Variants in DBT observed in about 807,000 individuals in gnomAD.
DBT encodes the protein dihydrolipoamide branched chain transacylase E2, also known as lipoamide acyltransferase component of branched-chain alpha-keto acid dehydrogenase complex, mitochondrial.
DBT carries 40 observed loss-of-function variants against 51.3 expected under a neutral mutation model. The observed-to-expected ratio is 0.78, with a 90% CI of 0.61 to 1.02. The LOEUF is 1.02. Among genes scored for constraint, DBT ranks in the 50% least tolerant of loss-of-function variants. The pLI, the probability that DBT is intolerant of heterozygous loss-of-function variation, is 0.00. For missense variants in DBT, 510 were observed against 580.2 expected (o/e 0.88, Z 1.24); for synonymous variants, 181 against 190.4 (o/e 0.95, Z 0.41).
chr1:100,236,286 A>G (rs534611066), intron 2 of DBT, among the ~76,000 whole-genome samples: 9 of 152,282 alleles, frequency 5.9e-5, no homozygotes, highest in Admixed American at 6.5e-5. Context: ...TTAGATGCCA[A>G]TGATACTGTA....
At chr1:100,223,027 C>G (rs771488869) in intron 4 of DBT, among the ~76,000 whole-genome samples, 2 of 152,132 alleles carry the variant, frequency 1.3e-5, no homozygotes, top group Non-Finnish European at 2.9e-5. Context: ...TGGGTGATGA[C>G]CTGGCACAAG....
At chr1:100,241,897 T>A (rs1449023829) in intron 1 of DBT, among the ~76,000 whole-genome samples, 1 of 152,032 alleles carries the variant, frequency 6.6e-6, no homozygotes, top group Non-Finnish European at 1.5e-5. Context: ...GGCATGCGCC[T>A]GTAGTCCCAG....
At chr1:100,226,386 T>A (rs1235934264) in intron 4 of DBT, among the ~76,000 whole-genome samples, 1 of 150,132 alleles carries the variant, frequency 6.7e-6, no homozygotes, top group Non-Finnish European at 1.5e-5. Flanking sequence ...TGGGCTCAAG[T>A]GATCCTCTCA....
chr1:100,189,720 A>G lies in DBT; in HGVS notation c.*6535T>C, dbSNP rs1301411691. Reference sequence around the variant, plus strand: ...TTTAGTGGCAGTCAGAGGTAACAATATAAGAAAAGCATTCTGAGTCTTCTT... The same window carrying G: ...TTTAGTGGCAGTCAGAGGTAACAATGTAAGAAAAGCATTCTGAGTCTTCTT... On this transcript the variant is annotated 3_prime_UTR_variant, in exon 11 of 11. Coordinates refer to ENST00000370132, the MANE Select transcript of DBT (RefSeq NM_001918.5). 2.0e-5 allele frequency: 3 copies of G among 152,222 alleles called. No homozygotes were observed. Among genetic ancestry groups the G allele is most frequent in the African/African-American group, 7.2e-5 (3 of 41,456 alleles). The allele number at this position is 152,222 out of a possible 1,614,324, so 9.4% of individuals were successfully genotyped here. A position where few individuals can be genotyped will look rare whatever the true frequency, so the allele number is the denominator to read the frequency against.
intron 4 of DBT, among the ~76,000 whole-genome samples, chr1:100,225,632 C>T (rs984229842): frequency 2.0e-5 from 3 of 151,914 alleles, no homozygotes; most frequent in African/African-American, 7.3e-5. Flanking sequence ...CAAGACCAGC[C>T]TGGCCAACAT....
intron 2 of DBT, among the ~76,000 whole-genome samples, chr1:100,237,023 G>T (rs1663905775): frequency 6.6e-6 from 1 of 152,194 alleles, no homozygotes; most frequent in South Asian, 2.1e-4. Context: ...CCATCAGGAG[G>T]CCGAGTCTAT....
intron 8 of DBT, among the ~76,000 whole-genome samples, chr1:100,208,241 A>G (rs1394340410): frequency 6.6e-6 from 1 of 152,214 alleles, no homozygotes; most frequent in Non-Finnish European, 1.5e-5. Flanking sequence ...GGTAAATGAA[A>G]CATAAGTGAA....
chr1:100,191,101 C>G lies in DBT; in HGVS notation c.*5154G>C, dbSNP rs1274711091. The G allele has an allele frequency of 6.6e-6, 1 of 152,102 alleles. No homozygotes were observed. The highest frequency in any genetic ancestry group is 2.4e-5 in the African/African-American group (1 of 41,418). 9.4% of individuals were successfully genotyped at this position (152,102 alleles called of 1,614,324 possible). A position where few individuals can be genotyped will look rare whatever the true frequency, so the allele number is the denominator to read the frequency against. On this transcript the variant is annotated 3_prime_UTR_variant, in exon 11 of 11. Coordinates refer to ENST00000370132, the MANE Select transcript of DBT (RefSeq NM_001918.5). ...TGGGAATTTTAACTTAACCTTTTAC[C>G]TTTTACCATAATTAAGGTGCCAGTA...
intron 4 of DBT, among the ~76,000 whole-genome samples, chr1:100,225,086 C>T (rs1232043503): frequency 1.5e-5 from 2 of 132,382 alleles, no homozygotes; most frequent in Non-Finnish European, 3.2e-5. Flanking sequence ...CACACACACA[C>T]ACACACACAT....
intron 3 of DBT, 39 bp from the exon 4 acceptor site, chr1:100,230,953 T>A: frequency 8.3e-7 from 1 of 1,208,034 alleles, no homozygotes; most frequent in Non-Finnish European, 1.2e-6. Context: ...ATGGAAACAG[T>A]CATAAGTACA....
chr1:100,219,923 T>C (rs543859534), intron 4 of DBT, among the ~76,000 whole-genome samples: 7 of 152,084 alleles, frequency 4.6e-5, no homozygotes, highest in Non-Finnish European at 8.8e-5. Context: ...GGCGGGAGAA[T>C]TGCTTGAGGC....
In DBT at chr1:100,196,366, C is replaced by G; in HGVS notation, c.1338G>C (p.Val446=). The G allele has an allele frequency of 6.3e-7, 1 of 1,586,414 alleles. No individual in the cohort carries two copies. The highest frequency in any genetic ancestry group is 8.6e-7 in the Non-Finnish European group (1 of 1,167,196). The change falls in exon 11 of 11, where the codon GTG becomes GTC. Residue 446 remains valine (V), a synonymous_variant. Coordinates refer to ENST00000370132, the MANE Select transcript of DBT (RefSeq NM_001918.5). ...TAACTCTGTGATCAGCTGACCAGCT[C>G]ACATTCATTATCTGTGCCTTATATA... The part of the protein sequence containing the change: ...GEVYKAQIMN[V]SWSADHRVID...
chr1:100,246,790 G>C (rs1017490466), intron 1 of DBT, among the ~76,000 whole-genome samples: 1 of 152,176 alleles, frequency 6.6e-6, no homozygotes, highest in African/African-American at 2.4e-5. Context: ...GAAAGGTAAA[G>C]ACAAGTAAAC....
intron 4 of DBT, among the ~76,000 whole-genome samples, chr1:100,226,415 C>G (rs569912925): frequency 2.0e-5 from 3 of 151,328 alleles, no homozygotes; most frequent in Admixed American, 2.0e-4. Flanking sequence ...TCCTAAGTAG[C>G]TGGGACCACA....
intron 10 of DBT, 60 bp downstream of exon 10, chr1:100,206,170 C>T: frequency 8.9e-7 from 1 of 1,121,372 alleles, no homozygotes; most frequent in Non-Finnish European, 1.4e-6. Context: ...GGTTACTCTT[C>T]ATTGTGTTTA....
At chr1:100,223,468 T>C (rs538432839) in intron 4 of DBT, among the ~76,000 whole-genome samples, 22 of 152,238 alleles carry the variant, frequency 1.4e-4, no homozygotes, top group Admixed American at 9.2e-4. Context: ...GTTTGTTTTG[T>C]GTGTGCGTGT....
At chr1:100,232,027 G>A (rs1039033457) in intron 3 of DBT, among the ~76,000 whole-genome samples, 10 of 152,156 alleles carry the variant, frequency 6.6e-5, no homozygotes, top group African/African-American at 2.2e-4. Flanking sequence ...CTTTATGATG[G>A]TGTAAAAGCA....
intron 4 of DBT, among the ~76,000 whole-genome samples, chr1:100,219,527 T>G (rs756501996): frequency 6.6e-5 from 10 of 152,156 alleles, no homozygotes; most frequent in Non-Finnish European, 1.3e-4. Flanking sequence ...ATCACTTACT[T>G]GAGCCTAGGA....
At chr1:100,235,415 G>A in intron 3 of DBT, 21 bp downstream of exon 3, 1 of 1,236,482 alleles carries the variant, frequency 8.1e-7, no homozygotes, top group East Asian at 2.3e-5. Flanking sequence ...TTACTTAAGA[G>A]CTTTTTTCAG....
Sources: allele counts gnomAD v4.1 joint callset (sites outside exome capture counted in the v4.1 genomes callset), GRCh38; gene constraint gnomAD v4.1.1; transcripts MANE v1.5; gene names NCBI Gene and HGNC (gene_info 2026-07-23, HGNC 2026-07-21).